Variants in ZNF701 observed in about 807,000 individuals in gnomAD.
ZNF701 encodes the protein zinc finger protein 701.
A neutral mutation model predicts 7.1 loss-of-function variants in ZNF701; 6 were observed. The ratio of observed to expected loss-of-function variants is 0.84; its 90% CI spans 0.46 to 1.66. The LOEUF is 1.66. Ranked by LOEUF, ZNF701 falls within the 40% of genes most tolerant of loss-of-function variation. The pLI, the probability that ZNF701 is intolerant of heterozygous loss-of-function variation, is 0.01. For missense variants in ZNF701, 541 were observed against 559.2 expected (o/e 0.97, Z 0.33); for synonymous variants, 166 against 188.2 (o/e 0.88, Z 0.97).
chr19:52,596,452 C>A, the ZNF701 span: 4 of 440,354 alleles, frequency 9.1e-6, no homozygotes, highest in South Asian at 7.0e-5. Flanking sequence ...AAAAACCATA[C>A]AAACGTAAGG....
intron 3 of ZNF701, among the ~76,000 whole-genome samples, chr19:52,578,125 G>A (rs1230598619): frequency 6.6e-6 from 1 of 151,418 alleles, no homozygotes; most frequent in African/African-American, 2.4e-5. Flanking sequence ...GTGGTGGCGG[G>A]CACTTGTAGT....
At chr19:52,592,273 A>G in the ZNF701 span, 612,652 of 1,487,300 alleles carry the variant, frequency 0.41, 130,963 homozygotes, top group Middle Eastern at 0.51. Context: ...GCCCTTGTCT[A>G]TCTTGGCTCT....
chr19:52,594,818 T>C, the ZNF701 span, among the ~76,000 whole-genome samples: 6 of 152,216 alleles, frequency 3.9e-5, no homozygotes, highest in South Asian at 2.1e-4. Context: ...TGGCCCGTTC[T>C]GGTTTTTGAG....
At position 52,584,780 on chromosome 19, in the gene ZNF701, C is replaced by T. The variant is rs891886913; in HGVS notation, c.*1323C>T. ...GTGCTGCTATTGCATTGTGCAAATC[C>T]ACTGAATGTGTTGATTAGTTCCAGT... On this transcript the variant is annotated 3_prime_UTR_variant, in exon 4 of 4. Coordinates refer to ENST00000391785, the MANE Select transcript of ZNF701 (RefSeq NM_018260.3). The T allele has an allele frequency of 2.0e-5, 3 of 152,126 alleles. No individual in the cohort carries two copies. The highest frequency in any genetic ancestry group is 6.5e-5 in the Admixed American group (1 of 15,270). The allele number at this position is 152,126 out of a possible 1,614,324, so 9.4% of individuals were successfully genotyped here. A position where few individuals can be genotyped will look rare whatever the true frequency, so the allele number is the denominator to read the frequency against.
Position 52,583,373 on chromosome 19 carries a change from C to T in ZNF701, c.1314C>T (p.Tyr438=), listed in dbSNP as rs1291501805. The T allele has an allele frequency of 6.2e-7, 1 of 1,613,450 alleles. No individual in the cohort carries two copies. Among genetic ancestry groups the T allele is most frequent in the Non-Finnish European group, 8.5e-7 (1 of 1,179,528 alleles). ...GACTTCATACTGGAGAGAAACCTTACAAGTGTAATGAATGTGGCAAGGTTT... is the reference window on the plus strand; with the variant it reads ...GACTTCATACTGGAGAGAAACCTTATAAGTGTAATGAATGTGGCAAGGTTT... ...HRRLHTGEKP[Y]KCNECGKVFN... The change falls in exon 4 of 4, where the codon TAC becomes TAT. Residue 438 remains tyrosine (Y), a synonymous_variant. Transcript: ENST00000391785.
At chr19:52,572,992 A>G (rs893261239) in intron 1 of ZNF701, 4 of 269,268 alleles carry the variant, frequency 1.5e-5, no homozygotes, top group Non-Finnish European at 2.9e-5. Flanking sequence ...CCCACCCCCA[A>G]CTGAATTTCC....
chr19:52,578,081 C>T (rs910100943), intron 3 of ZNF701, among the ~76,000 whole-genome samples: 43 of 151,530 alleles, frequency 2.8e-4, no homozygotes, highest in Admixed American at 7.9e-4. Flanking sequence ...GGTGAAACCC[C>T]GTCTCTACTA....
At chr19:52,596,506 T>G in the ZNF701 span, 12 of 420,428 alleles carry the variant, frequency 2.9e-5, no homozygotes, top group South Asian at 2.2e-4. Flanking sequence ...TTTCATGCCG[T>G]AAGAGTTCAT....
chr19:52,582,297 C>G lies in ZNF701; in HGVS notation c.238C>G (p.His80Asp). Reference sequence around the variant, plus strand: ...AGGGACATTGCAAATACATGCAAGTCATCACATTGGAGATACTTGCTTCCA... The same window carrying G: ...AGGGACATTGCAAATACATGCAAGTGATCACATTGGAGATACTTGCTTCCA... The part of the protein sequence containing the change: ...HTGTLQIHAS[H>D]HIGDTCFQEI... Residue 80 changes from histidine (H) to aspartate (D), a missense_variant, in exon 4 of 4, where the codon CAT becomes GAT. Physicochemically the swap from His to Asp is moderately conservative, Grantham distance 81 (BLOSUM62 -1). Coordinates refer to ENST00000391785, the MANE Select transcript of ZNF701 (RefSeq NM_018260.3). 3.1e-6 allele frequency: 5 copies of G among 1,613,744 alleles called. No individual in the cohort carries two copies. Among genetic ancestry groups the G allele is most frequent in the Non-Finnish European group, 4.2e-6 (5 of 1,179,842 alleles).
At chr19:52,578,932 G>A (rs2059956603) in intron 3 of ZNF701, among the ~76,000 whole-genome samples, 1 of 150,796 alleles carries the variant, frequency 6.6e-6, no homozygotes, top group Non-Finnish European at 1.5e-5. Flanking sequence ...TAATTTTTTT[G>A]TATTTTTATT....
chr19:52,592,350 T>C, the ZNF701 span: 12 of 1,094,268 alleles, frequency 1.1e-5, no homozygotes, highest in Non-Finnish European at 1.4e-5. Context: ...GTCATTGTTT[T>C]CTACAGTGAT....
chr19:52,575,681 C>T (rs1339597209), intron 2 of ZNF701: 2 of 381,038 alleles, frequency 5.2e-6, no homozygotes, highest in South Asian at 2.1e-5. Flanking sequence ...TTATTTCTAA[C>T]GTAAGCAATT....
At chr19:52,599,225 T>G in the ZNF701 span, among the ~76,000 whole-genome samples, 6 of 152,040 alleles carry the variant, frequency 3.9e-5, no homozygotes, top group African/African-American at 1.4e-4. Flanking sequence ...AATTAAACCT[T>G]TTTTCAGCTT....
At chr19:52,571,245 A>T (rs1277907421) in intron 1 of ZNF701, among the ~76,000 whole-genome samples, 1 of 151,272 alleles carries the variant, frequency 6.6e-6, no homozygotes, top group Non-Finnish European at 1.5e-5. Context: ...AGAGAGAGAG[A>T]GAGAGAGAGG....
chr19:52,572,641 G>T (rs117655525), intron 1 of ZNF701: 1 of 347,046 alleles, frequency 2.9e-6, no homozygotes, highest in East Asian at 8.3e-5. Context: ...AAATGTCCCC[G>T]TTCTGAGGAT....
chr19:52,576,997 ACT>A (rs139600747), intron 3 of ZNF701, among the ~76,000 whole-genome samples: 14,708 of 152,184 alleles, frequency 0.097, 758 homozygotes, highest in Middle Eastern at 0.2. Flanking sequence ...GTGTGGGGAA[ACT>A]CTGCAAGTGG....
chr19:52,571,233 TGA>T (rs3837922), intron 1 of ZNF701, among the ~76,000 whole-genome samples: 78 of 141,566 alleles, frequency 5.5e-4, no homozygotes, highest in Non-Finnish European at 6.4e-4. Flanking sequence ...CTCATCAGAG[TGA>T]GAGAGAGAGA....
At chr19:52,592,520 A>G in the ZNF701 span, among the ~76,000 whole-genome samples, 3 of 152,330 alleles carry the variant, frequency 2.0e-5, no homozygotes, top group East Asian at 5.8e-4. Flanking sequence ...AATTGTCACC[A>G]TGGCCCAGGA....
chr19:52,581,672 A>C (rs2059976594), intron 3 of ZNF701, among the ~76,000 whole-genome samples: 1 of 152,144 alleles, frequency 6.6e-6, no homozygotes, highest in Admixed American at 6.6e-5. Flanking sequence ...GTGGGCCACC[A>C]CACCTGCCTA....
Sources: allele counts gnomAD v4.1 joint callset (sites outside exome capture counted in the v4.1 genomes callset), GRCh38; gene constraint gnomAD v4.1.1; transcripts MANE v1.5; gene names NCBI Gene and HGNC (gene_info 2026-07-23, HGNC 2026-07-21).